The following NPC1 variants were observed in gnomAD, a reference collection of about 807,000 sequenced individuals.
NPC1 encodes the protein NPC intracellular cholesterol transporter 1.
Under a neutral mutation model 140.4 loss-of-function variants are expected in NPC1, and 85 were observed. That is an observed-to-expected ratio of 0.61 (90% CI 0.51 to 0.72). NPC1 has a LOEUF of 0.72. Ranked by LOEUF, NPC1 falls within the 30% of genes least tolerant of loss-of-function variation. NPC1 has a pLI of 0.00. For missense variants in NPC1, 1,504 were observed against 1,623.8 expected, an observed-to-expected ratio of 0.93 and a Z score of 1.27; for synonymous variants, 656 against 624.8, an observed-to-expected ratio of 1.05 and a Z score of -0.74.
intron 7 of NPC1, 126 bp from the exon 8 acceptor site, chr18:23,556,739 G>C: frequency 6.9e-7 from 1 of 1,447,702 alleles, no homozygotes; most frequent in Non-Finnish European, 9.5e-7. Context: ...ACACATATGA[G>C]ACCCCTGCCC....
downstream of NPC1, chr18:23,528,807 C>T (rs2058386696): frequency 5.8e-6 from 1 of 173,232 alleles, no homozygotes; most frequent in South Asian, 1.2e-4. Flanking sequence ...ACATGAGCAG[C>T]ATCTGGAGTT....
At chr18:23,524,627 TTATACGTTTTTTACTA>T, downstream of NPC1, 1 of 745,950 alleles carries the variant, frequency 1.3e-6, no homozygotes, top group South Asian at 1.7e-5. Context: ...TTTTTTCACT[TTATACGTTTTTTACTA>T]TATGTGCATT....
chr18:23,509,202 G>A (rs2057786378), intron 3 of NPC1: 2 of 1,395,794 alleles, frequency 1.4e-6, no homozygotes, highest in Admixed American at 5.4e-5. Context: ...GACTAAGAAT[G>A]CCAACATTCT....
At chr18:23,541,032 T>C (rs765931319) in intron 16 of NPC1, 36 bp downstream of exon 16, 53 of 1,611,114 alleles carry the variant, frequency 3.3e-5, no homozygotes, top group Non-Finnish European at 4.3e-5. Context: ...TCTGTTTCAG[T>C]GAGAGGAAAG....
downstream of NPC1, chr18:23,529,766 A>AC: frequency 6.6e-7 from 1 of 1,508,286 alleles, no homozygotes; most frequent in South Asian, 1.1e-5. Flanking sequence ...TAAAAAAAAA[A>AC]CACAGTCACT....
chr18:23,539,757 C>G, intron 18 of NPC1, 54 bp downstream of exon 18: 2 of 1,582,106 alleles, frequency 1.3e-6, no homozygotes, highest in Non-Finnish European at 1.7e-6. Context: ...AGCTGACTGC[C>G]TGGCTGAGAG....
intron 4 of NPC1, among the ~76,000 whole-genome samples, chr18:23,564,474 C>T (rs1598993198): frequency 6.6e-6 from 1 of 151,906 alleles, no homozygotes; most frequent in East Asian, 1.9e-4. Flanking sequence ...ACCACAGGTA[C>T]ATGCCACCAT....
At chr18:23,526,686 A>G (rs750965677), downstream of NPC1, 1 of 1,614,038 alleles carries the variant, frequency 6.2e-7, no homozygotes, top group Non-Finnish European at 8.5e-7. Flanking sequence ...TAAATCTCTT[A>G]CCAGACAAAG....
At chr18:23,571,665 A>G (rs561923472) in intron 3 of NPC1, among the ~76,000 whole-genome samples, 2 of 151,578 alleles carry the variant, frequency 1.3e-5, no homozygotes, top group Admixed American at 1.3e-4. Flanking sequence ...AAAAAAAAAA[A>G]AAATAAAGAA....
downstream of NPC1, among the ~76,000 whole-genome samples, chr18:23,517,751 T>C (rs1259250732): frequency 6.6e-6 from 1 of 152,078 alleles, no homozygotes; most frequent in Non-Finnish European, 1.5e-5. Flanking sequence ...AGAGTGTCGC[T>C]CTGTTGCCCA....
chr18:23,533,253 C>CATT (rs1421227271), intron 24 of NPC1, 102 bp downstream of exon 24: 7 of 1,217,098 alleles, frequency 5.8e-6, no homozygotes, highest in African/African-American at 4.5e-5. Context: ...ATCAAATGAC[C>CATT]ATTAGTATGA....
intron 15 of NPC1, 44 bp from the exon 16 acceptor site, chr18:23,541,252 T>TC: frequency 6.2e-7 from 1 of 1,614,224 alleles, no homozygotes; most frequent in East Asian, 2.2e-5. Context: ...GCTAGCTGCT[T>TC]CCTCTAGATT....
At chr18:23,541,269 T>C (rs745456641) in intron 15 of NPC1, 37 bp downstream of exon 15, 1 of 1,614,086 alleles carries the variant, frequency 6.2e-7, no homozygotes, top group Non-Finnish European at 8.5e-7. Flanking sequence ...GATTCTAGAC[T>C]CAAATTAAAT....
chr18:23,556,968 A>G (rs2058962489), intron 7 of NPC1, 149 bp downstream of exon 7: 1 of 752,936 alleles, frequency 1.3e-6, no homozygotes, highest in Admixed American at 2.0e-5. Flanking sequence ...AGGGCCACAA[A>G]GGCAAGGACC....
Position 23,531,645 on chromosome 18 carries a change from G to T in NPC1, c.*557C>A. Reference sequence around the variant, plus strand: ...TCTAGGGGAACACTGTGAAGAACATGTTGCTTTTTTCAAACAGATTTTTGG... The same window carrying T: ...TCTAGGGGAACACTGTGAAGAACATTTTGCTTTTTTCAAACAGATTTTTGG... On this transcript the variant is annotated 3_prime_UTR_variant, in exon 25 of 25. Coordinates refer to ENST00000269228, the MANE Select transcript of NPC1 (RefSeq NM_000271.5). The T allele has an allele frequency of 1.2e-6, 2 of 1,613,386 alleles. No individual in the cohort carries two copies. Among genetic ancestry groups the T allele is most frequent in the Non-Finnish European group, 1.7e-6 (2 of 1,179,878 alleles).
Position 23,560,244 on chromosome 18 carries a change from C to T in NPC1, c.868G>A (p.Val290Met). 1 of 1,614,188 alleles carries T rather than the reference C, an allele frequency of 6.2e-7. No homozygotes were observed. Among genetic ancestry groups the T allele is most frequent in the Non-Finnish European group, 8.5e-7 (1 of 1,180,044 alleles). The change falls in exon 6 of 25, where the codon GTG becomes ATG. Residue 290 changes from valine (V) to methionine (M), a missense_variant. Coordinates refer to ENST00000269228, the MANE Select transcript of NPC1 (RefSeq NM_000271.5). Reference sequence around the variant, plus strand: ...AAAACTGCTTACCTGTAGCACCACACTGCAAAAAATGCTCCAAAAAACACA... The same window carrying T: ...AAAACTGCTTACCTGTAGCACCACATTGCAAAAAATGCTCCAAAAAACACA... ...LLVFFGAFFA[V>M]WCYRKRYFVS...
At chr18:23,553,139 C>T (rs1350285072) in intron 9 of NPC1, among the ~76,000 whole-genome samples, 2 of 152,236 alleles carry the variant, frequency 1.3e-5, no homozygotes, top group African/African-American at 2.4e-5. Context: ...CTGCCACTCC[C>T]TGTACCGCTT....
At chr18:23,539,030 A>G in intron 19 of NPC1, 1 of 450,418 alleles carries the variant, frequency 2.2e-6, no homozygotes, top group Non-Finnish European at 4.1e-6. Flanking sequence ...AAAGTGATAA[A>G]GAAAAGCCCT....
At position 23,545,118 on chromosome 18, in the gene NPC1, G is replaced by A; in HGVS notation, c.1789C>T (p.Pro597Ser). 6.2e-7 allele frequency: 1 copy of A among 1,613,236 alleles called. No homozygotes were observed. The highest frequency in any genetic ancestry group is 1.1e-5 in the South Asian group (1 of 91,048). The change falls in exon 12 of 25, where the codon CCC becomes TCC. Residue 597 changes from proline (P) to serine (S), a missense_variant. Pro to Ser is a moderately conservative substitution (Grantham distance 74). Coordinates refer to ENST00000269228, the MANE Select transcript of NPC1 (RefSeq NM_000271.5). ...GCAGTGAAGGAAATGGTCAGATTGG[G>A]ATTCTTGTAGTTTTTCACAAAATTA... Reference protein sequence around the residue: ...FINFVKNYKNPNLTISFTAER... With the variant: ...FINFVKNYKNSNLTISFTAER...
Sources: allele counts gnomAD v4.1 joint callset (sites outside exome capture counted in the v4.1 genomes callset), GRCh38; gene constraint gnomAD v4.1.1; transcripts MANE v1.5; gene names NCBI Gene and HGNC (gene_info 2026-07-23, HGNC 2026-07-21).